KLHL25: variants seen among roughly 807,000 people sequenced by gnomAD.
The protein encoded by KLHL25 is kelch-like protein 25.
A neutral mutation model predicts 30.0 loss-of-function variants in KLHL25; 41 were observed. The observed-to-expected ratio is 1.37, with a 90% CI of 1.07 to 1.78. The LOEUF (loss-of-function observed/expected upper bound fraction) is 1.78, where lower values mean the gene tolerates loss of function less well. Among genes scored for constraint, KLHL25 ranks in the 40% most tolerant of loss-of-function variants. The probability of loss-of-function intolerance (pLI) is 0.00; values close to 1 mark genes in which losing one functional copy is unlikely to be tolerated. For synonymous variants in KLHL25, 399 were observed against 355.3 expected, an observed-to-expected ratio of 1.12 and a Z score of -1.38; for missense variants, 971 against 824.5, an observed-to-expected ratio of 1.18 and a Z score of -2.18.
rs756153246 is a variant in KLHL25 at position 85,765,633 on chromosome 15, AAAGAAG to A, written c.*24+2378_*24+2383del. Among the ~76,000 whole-genome samples, 97 of 127,986 alleles carry A rather than the reference AAAGAAG, an allele frequency of 7.6e-4. 5 individuals carry two copies. The highest frequency in any genetic ancestry group is 4.3e-3 in the Middle Eastern group (1 of 234). The allele number at this position is 127,986 out of a possible 152,430, so 84.0% of individuals were successfully genotyped here. ...AACGAGACTGTCTCAAAAAAAAAAA[AAAGAAG>A]AAGAAGAAGAAGAAGAAAACAGAAA... is the stretch of plus-strand genomic sequence containing the variant. On this transcript the variant is annotated intron_variant, in intron 2 of 2. Transcript: ENST00000337975.
chr15:85,768,774 C>A lies in KLHL25; in HGVS notation c.1037G>T (p.Gly346Val). ...GACCCCGTTCTCGGAGCCCCTGCCC[C>A]CCGTCACATAGACCTTGCAGCCGAT... ...SAIGCKVYVT[G>V]GRGSENGVSK... The change falls in exon 2 of 3, where the codon GGG becomes GTG. Residue 346 changes from glycine (G) to valine (V), a missense_variant. Transcript: ENST00000337975. 2 of 1,613,116 alleles carry A rather than the reference C, an allele frequency of 1.2e-6. No homozygotes were observed. Among genetic ancestry groups the A allele is most frequent in the Non-Finnish European group, 1.7e-6 (2 of 1,179,954 alleles).
chr15:85,761,110 G>A (rs934749864), intron 2 of KLHL25, 99 bp from the exon 3 acceptor site: 1 of 152,306 alleles, frequency 6.6e-6, no homozygotes, highest in Non-Finnish European at 1.5e-5. Context: ...CTGCCCATGA[G>A]GCTCGGGCGT....
chr15:85,781,033 C>CT (rs35974617), intron 1 of KLHL25, among the ~76,000 whole-genome samples: 22,505 of 152,084 alleles, frequency 0.15, 2,229 homozygotes, highest in Middle Eastern at 0.3. Flanking sequence ...ACACAGCTAT[C>CT]TAAAAAAAAC....
intron 2 of KLHL25, chr15:85,763,697 G>A (rs2089598783): frequency 6.6e-6 from 1 of 152,344 alleles, no homozygotes. Flanking sequence ...GGCCTCCAGG[G>A]ACAGGGGCAG....
In KLHL25 at chr15:85,781,589, T is replaced by C. The variant is rs374441728; in HGVS notation, c.-10-11769A>G. 1.6e-4 allele frequency among the ~76,000 whole-genome samples: 25 copies of C among 152,226 alleles called. No individual in the cohort carries two copies. The East Asian group carries it at 3.1e-3, about 19-fold the overall frequency. ...ACCTCCACCTCCTGGGTTCAAGCAATTCTCCTGCCTCAGCCTCCCAAGTAG... is the reference window on the plus strand; with the variant it reads ...ACCTCCACCTCCTGGGTTCAAGCAACTCTCCTGCCTCAGCCTCCCAAGTAG... On this transcript the variant is annotated intron_variant, in intron 1 of 2. Coordinates refer to ENST00000337975, the MANE Select transcript of KLHL25 (RefSeq NM_022480.4).
chr15:85,782,531 C>G (rs1023049327), intron 1 of KLHL25, among the ~76,000 whole-genome samples: 2 of 151,482 alleles, frequency 1.3e-5, no homozygotes, highest in East Asian at 1.9e-4. Context: ...CTCCCTTCCT[C>G]TCATTCTCCC....
Position 85,786,722 on chromosome 15 carries a change from T to C in KLHL25, c.-11+8044A>G, listed in dbSNP as rs1287357734. Among the ~76,000 whole-genome samples, 10 of 152,222 alleles carry C rather than the reference T, an allele frequency of 6.6e-5. No individual in the cohort carries two copies. In the South Asian group the frequency reaches 1.0e-3, roughly 16 times the overall value. On this transcript the variant is annotated intron_variant, in intron 1 of 2. Coordinates refer to ENST00000337975, the MANE Select transcript of KLHL25 (RefSeq NM_022480.4). Reference sequence around the variant, plus strand: ...ACCTCCCACCTAAGGCCAGCTCCACTGCACAAGGGCAAAGTCACCCCAGCT... The same window carrying C: ...ACCTCCCACCTAAGGCCAGCTCCACCGCACAAGGGCAAAGTCACCCCAGCT...
chr15:85,787,454 A>C (rs2089788067), intron 1 of KLHL25, among the ~76,000 whole-genome samples: 1 of 152,206 alleles, frequency 6.6e-6, no homozygotes, highest in South Asian at 2.1e-4. Flanking sequence ...CTCAAAAAAA[A>C]ATTAGGTGAG....
rs764824807 is a variant in KLHL25, at chr15:85,769,144, C to A, written c.667G>T (p.Glu223Ter). The change falls in exon 2 of 3, where the codon GAG (glutamate) becomes TAG (stop). Residue 223 changes from glutamate to a stop codon, truncating the protein, a stop_gained. Coordinates refer to ENST00000337975, the MANE Select transcript of KLHL25 (RefSeq NM_022480.4). LOFTEE classifies it high-confidence loss of function. ...TCGGGCAAGTGGACCTTCCGTGGCT[C>A]CAGGTCGTGCTTCACCCACTGGAGG... is the stretch of plus-strand genomic sequence containing the variant. Reference protein sequence around the residue: ...AILQWVKHDLEPRKVHLPELL... With the variant: ...AILQWVKHDL The A allele has an allele frequency of 6.2e-7, 1 of 1,610,818 alleles. No homozygotes were observed. The highest frequency in any genetic ancestry group is 1.1e-5 in the South Asian group (1 of 91,052).
chr15:85,766,732 A>G (rs1322594954), intron 2 of KLHL25, among the ~76,000 whole-genome samples: 2 of 152,204 alleles, frequency 1.3e-5, no homozygotes, highest in Non-Finnish European at 2.9e-5. Flanking sequence ...ACAGTGTGGC[A>G]GCAACCCACA....
intron 1 of KLHL25, among the ~76,000 whole-genome samples, chr15:85,788,968 A>C (rs1348134782): frequency 2.6e-5 from 4 of 152,066 alleles, no homozygotes; most frequent in Admixed American, 6.5e-5. Context: ...CACTCCTCTC[A>C]GACAAATTGG....
At chr15:85,770,972 A>C in intron 1 of KLHL25, 1 of 218,488 alleles carries the variant, frequency 4.6e-6, no homozygotes. Context: ...AGGCGGCAAA[A>C]CTCATATACC....
chr15:85,780,320 T>C (rs1323696989), intron 1 of KLHL25, among the ~76,000 whole-genome samples: 2 of 152,222 alleles, frequency 1.3e-5, no homozygotes, highest in Admixed American at 1.3e-4. Context: ...CTTCCACTTA[T>C]CCAGAGCAAG....
intron 1 of KLHL25, among the ~76,000 whole-genome samples, chr15:85,779,341 A>G (rs576730013): frequency 1.3e-5 from 2 of 152,286 alleles, no homozygotes; most frequent in East Asian, 3.9e-4. Flanking sequence ...CTAGAACCAC[A>G]CTGCCTGACC....
At chr15:85,770,098 G>A (rs915398324) in intron 1 of KLHL25, among the ~76,000 whole-genome samples, 1 of 152,234 alleles carries the variant, frequency 6.6e-6, no homozygotes, top group Admixed American at 6.5e-5. Context: ...CCCTAGGCAA[G>A]CTCCAGTTGA....
At chr15:85,771,566 C>A (rs910416962) in intron 1 of KLHL25, among the ~76,000 whole-genome samples, 1 of 152,248 alleles carries the variant, frequency 6.6e-6, no homozygotes, top group African/African-American at 2.4e-5. Context: ...AAGGTCCCTG[C>A]TTTTGGGCTT....
chr15:85,776,113 C>T (rs945884480), intron 1 of KLHL25, among the ~76,000 whole-genome samples: 1 of 150,534 alleles, frequency 6.6e-6, no homozygotes, highest in Non-Finnish European at 1.5e-5. Flanking sequence ...ATGGAGGTTG[C>T]AGTGGGCCGA....
chr15:85,761,062 G>C (rs897886374), intron 2 of KLHL25, 51 bp from the exon 3 acceptor site: 2 of 152,362 alleles, frequency 1.3e-5, no homozygotes, highest in African/African-American at 4.8e-5. Flanking sequence ...ACATTGTTCT[G>C]TTCTGACCTG....
intron 2 of KLHL25, chr15:85,763,056 G>A (rs571487609): frequency 1.3e-5 from 2 of 152,516 alleles, no homozygotes; most frequent in South Asian, 2.1e-4. Context: ...GGGAAAGAAG[G>A]GTTGGGAGTC....
Sources: gnomAD v4.1 joint callset for allele counts (sites outside exome capture counted in the v4.1 genomes callset) on GRCh38, gnomAD v4.1.1 for gene constraint, MANE v1.5 for transcripts, NCBI Gene and HGNC (gene_info 2026-07-23, HGNC 2026-07-21) for gene names.